Variants in NRCAM observed in about 807,000 individuals in gnomAD.
The protein encoded by NRCAM is neuronal cell adhesion molecule.
Under a neutral mutation model 156.5 loss-of-function variants are expected in NRCAM, and 83 were observed. That is an observed-to-expected ratio of 0.53 (90% CI 0.44 to 0.64). NRCAM has a LOEUF of 0.64. NRCAM is among the 30% of genes least tolerant of loss of function. NRCAM has a pLI of 0.00. For synonymous variants in NRCAM, 538 were observed against 563.9 expected, an observed-to-expected ratio of 0.95 and a Z score of 0.65; for missense variants, 1,417 against 1,597.3, an observed-to-expected ratio of 0.89 and a Z score of 1.92.
intron 3 of NRCAM, among the ~76,000 whole-genome samples, chr7:108,257,068 GAAGA>G (rs1052978406): frequency 6.8e-6 from 1 of 146,674 alleles, no homozygotes; most frequent in Non-Finnish European, 1.5e-5. Context: ...GGGAGGGAAA[GAAGA>G]AAGAAGGAAG....
intron 11 of NRCAM, among the ~76,000 whole-genome samples, chr7:108,221,616 T>C (rs1339296941): frequency 6.6e-6 from 1 of 152,136 alleles, no homozygotes; most frequent in African/African-American, 2.4e-5. Context: ...AACCAAACAC[T>C]GTATGTTCTC....
At chr7:108,200,827 C>A (rs1326289219) in intron 13 of NRCAM, among the ~76,000 whole-genome samples, 2 of 151,252 alleles carry the variant, frequency 1.3e-5, no homozygotes, top group Non-Finnish European at 2.9e-5. Flanking sequence ...GAAATAATGG[C>A]ATTCACAGCA....
intron 1 of NRCAM, among the ~76,000 whole-genome samples, chr7:108,436,124 A>T (rs1187235788): frequency 1.3e-5 from 2 of 152,136 alleles, no homozygotes; most frequent in Admixed American, 1.3e-4. Context: ...ACAGAGTGAG[A>T]CTCCGTCTCA....
chr7:108,385,240 G>C (rs1364484611), intron 2 of NRCAM, among the ~76,000 whole-genome samples: 1 of 152,134 alleles, frequency 6.6e-6, no homozygotes, highest in Non-Finnish European at 1.5e-5. Flanking sequence ...TTTCCTTAGA[G>C]GGGTAGAGAT....
chr7:108,411,926 G>A (rs780695150), intron 1 of NRCAM, among the ~76,000 whole-genome samples: 47 of 152,062 alleles, frequency 3.1e-4, no homozygotes, highest in Non-Finnish European at 5.1e-4. Context: ...TACTTAAGTT[G>A]ATCCATTTTC....
chr7:108,371,428 G>T (rs895934004), intron 2 of NRCAM, among the ~76,000 whole-genome samples: 1 of 152,032 alleles, frequency 6.6e-6, no homozygotes, highest in Non-Finnish European at 1.5e-5. Context: ...GGGATCAAAA[G>T]GTCTTTGACT....
intron 2 of NRCAM, among the ~76,000 whole-genome samples, chr7:108,380,499 A>G (rs1428077571): frequency 1.3e-5 from 2 of 152,000 alleles, no homozygotes; most frequent in East Asian, 1.9e-4. Context: ...TGGGTTTCCT[A>G]TTCTCTGTAG....
intron 3 of NRCAM, among the ~76,000 whole-genome samples, chr7:108,306,138 T>A (rs1220758903): frequency 6.6e-6 from 1 of 152,196 alleles, no homozygotes; most frequent in Non-Finnish European, 1.5e-5. Flanking sequence ...TGAATAGTCT[T>A]GTCACTAATA....
At chr7:108,452,412 G>C (rs186554883) in intron 1 of NRCAM, among the ~76,000 whole-genome samples, 2 of 152,080 alleles carry the variant, frequency 1.3e-5, no homozygotes, top group East Asian at 1.9e-4. Context: ...ATGCTGTGGG[G>C]GGGGGAAGAA....
chr7:108,343,994 C>T (rs1311852069), intron 2 of NRCAM, among the ~76,000 whole-genome samples: 1 of 152,150 alleles, frequency 6.6e-6, no homozygotes, highest in African/African-American at 2.4e-5. Flanking sequence ...ACCATGGACC[C>T]CTGGACTGGC....
At chr7:108,199,414 C>A (rs2076792215) in intron 13 of NRCAM, among the ~76,000 whole-genome samples, 1 of 152,168 alleles carries the variant, frequency 6.6e-6, no homozygotes, top group Non-Finnish European at 1.5e-5. Context: ...TGGCTTAGAA[C>A]AACACAAATT....
At chr7:108,389,393 G>C (rs950515119) in intron 2 of NRCAM, among the ~76,000 whole-genome samples, 3 of 152,100 alleles carry the variant, frequency 2.0e-5, no homozygotes, top group African/African-American at 7.2e-5. Context: ...TGTGATTTTT[G>C]CATATTGATT....
At chr7:108,239,856 A>G in intron 4 of NRCAM, 103 bp downstream of exon 4, 1 of 664,618 alleles carries the variant, frequency 1.5e-6, no homozygotes, top group Non-Finnish European at 2.6e-6. Context: ...TTAGCTTTTC[A>G]GTATCACACA....
intron 3 of NRCAM, among the ~76,000 whole-genome samples, chr7:108,275,729 C>T (rs185271083): frequency 1.6e-4 from 25 of 152,194 alleles, no homozygotes; most frequent in Non-Finnish European, 2.9e-4. Flanking sequence ...GTGTCTCTAT[C>T]TCCTTCAGTT....
chr7:108,376,769 A>T (rs772013643), intron 2 of NRCAM, among the ~76,000 whole-genome samples: 22 of 152,192 alleles, frequency 1.4e-4, no homozygotes, highest in Non-Finnish European at 2.2e-4. Context: ...CGCAAGCAAA[A>T]GTCAGTCATT....
At chr7:108,323,699 T>G (rs1175964656) in intron 2 of NRCAM, among the ~76,000 whole-genome samples, 1 of 152,128 alleles carries the variant, frequency 6.6e-6, no homozygotes, top group African/African-American at 2.4e-5. Flanking sequence ...TAGCTTATAT[T>G]CTAGTGGGTG....
chr7:108,385,139 T>C (rs957028600), intron 2 of NRCAM, among the ~76,000 whole-genome samples: 1 of 152,212 alleles, frequency 6.6e-6, no homozygotes, highest in African/African-American at 2.4e-5. Flanking sequence ...GAGGAATAGA[T>C]CACATTTATT....
intron 3 of NRCAM, among the ~76,000 whole-genome samples, chr7:108,261,600 C>CCCCATT (rs1427469344): frequency 2.0e-5 from 3 of 151,592 alleles, no homozygotes; most frequent in African/African-American, 7.3e-5. Flanking sequence ...GACAGGACAT[C>CCCCATT]CCCATTAGAG....
chr7:108,445,198 T>A (rs760840626), intron 1 of NRCAM, among the ~76,000 whole-genome samples: 1 of 152,208 alleles, frequency 6.6e-6, no homozygotes, highest in African/African-American at 2.4e-5. Context: ...ACAATTAGAT[T>A]TATGGACATT....
Sources: allele counts gnomAD v4.1 joint callset (sites outside exome capture counted in the v4.1 genomes callset), GRCh38; gene constraint gnomAD v4.1.1; transcripts MANE v1.5; gene names NCBI Gene and HGNC (gene_info 2026-07-23, HGNC 2026-07-21).